Variants in PLD1 observed in about 807,000 individuals in gnomAD.
PLD1 encodes phospholipase D1.
PLD1 carries 112 observed loss-of-function variants against 137.1 expected under a neutral mutation model. The observed-to-expected ratio is 0.82, with a 90% CI of 0.70 to 0.96. The LOEUF (loss-of-function observed/expected upper bound fraction) is 0.96, where lower values mean the gene tolerates loss of function less well. PLD1 is among the 40% of genes least tolerant of loss of function. The probability of loss-of-function intolerance (pLI) is 0.00; values close to 1 mark genes in which losing one functional copy is unlikely to be tolerated. For missense variants in PLD1, 1,321 were observed against 1,342.0 expected (o/e 0.98, Z 0.24); for synonymous variants, 431 against 454.7 (o/e 0.95, Z 0.66).
rs149496458 is a variant in PLD1 at position 171,687,289 on chromosome 3, A to AT, written c.1753+81dup. On this transcript the variant is annotated intron_variant, in intron 15 of 26. Coordinates refer to ENST00000351298, the MANE Select transcript of PLD1 (RefSeq NM_002662.5). ...ATTCTACTCCATTACAGAAAGACAG[A>AT]TTTTAAAAACAGGTATGTAGTGTCT... 2,513 of 1,155,240 alleles carry AT rather than the reference A, an allele frequency of 2.2e-3. 72 individuals are homozygous for AT. In the East Asian group the frequency reaches 0.049, roughly 22 times the overall value. The allele number at this position is 1,155,240 out of a possible 1,614,324, so 71.6% of individuals were successfully genotyped here. A position where few individuals can be genotyped will look rare whatever the true frequency, so the allele number is the denominator to read the frequency against.
At chr3:171,799,314 G>T (rs1334492157) in intron 1 of PLD1, among the ~76,000 whole-genome samples, 1 of 131,738 alleles carries the variant, frequency 7.6e-6, no homozygotes, top group Admixed American at 8.8e-5. Context: ...ACTCCAGCCT[G>T]GGCAACAGAA....
intron 16 of PLD1, 120 bp from the exon 17 acceptor site, chr3:171,677,814 T>TG (rs1216538167): frequency 2.0e-6 from 2 of 976,616 alleles, no homozygotes; most frequent in African/African-American, 3.3e-5. Flanking sequence ...ACAACTAGGG[T>TG]GGCATCTGTC....
At chr3:171,720,582 CA>C (rs759407637) in intron 8 of PLD1, among the ~76,000 whole-genome samples, 1,239 of 115,096 alleles carry the variant, frequency 0.011, 11 homozygotes, top group African/African-American at 0.032. Context: ...GACTCCGTCT[CA>C]AAAAAAAAAA....
intron 1 of PLD1, among the ~76,000 whole-genome samples, chr3:171,759,817 A>G (rs1007360483): frequency 3.9e-5 from 6 of 152,226 alleles, no homozygotes; most frequent in Non-Finnish European, 8.8e-5. Flanking sequence ...TTTACTTAGC[A>G]ATTAGCTTGT....
At chr3:171,650,001 T>C (rs1316304111) in intron 21 of PLD1, among the ~76,000 whole-genome samples, 1 of 152,200 alleles carries the variant, frequency 6.6e-6, no homozygotes, top group Non-Finnish European at 1.5e-5. Flanking sequence ...GCCAATGCTA[T>C]AAAACATTAA....
chr3:171,697,237 C>CT (rs34340739), intron 12 of PLD1, among the ~76,000 whole-genome samples: 15,577 of 96,982 alleles, frequency 0.16, 1,872 homozygotes, highest in Non-Finnish European at 0.2. Flanking sequence ...TTCCGGACAC[C>CT]TTTTTTTTTT....
Position 171,687,336 on chromosome 3 carries a change from A to AC in PLD1, c.1753+34_1753+35insG, listed in dbSNP as rs750178993. The AC allele has an allele frequency of 7.9e-6, 12 of 1,519,518 alleles. 1 individual carries two copies. In the African/African-American group the frequency reaches 9.6e-5, roughly 12 times the overall value. 94.1% of individuals were successfully genotyped at this position (1,519,518 alleles called of 1,614,324 possible). ...GTCTGGCTATGGAAGAACAGTGGGT[A>AC]GTTAAGATAAATTCTAGTCAAGGCC... is the stretch of plus-strand genomic sequence containing the variant. On this transcript the variant is annotated intron_variant, in intron 15 of 26. Coordinates refer to ENST00000351298, the MANE Select transcript of PLD1 (RefSeq NM_002662.5).
In PLD1 at chr3:171,689,410, CCTAT is replaced by C. The variant is rs536412781; in HGVS notation, c.1339-538_1339-535del. Among the ~76,000 whole-genome samples the C allele has an allele frequency of 3.2e-3, 488 of 152,234 alleles. 1 individual carries two copies. The highest frequency in any genetic ancestry group is 0.011 in the African/African-American group (467 of 41,532). ...TGCTTTCAAAATTATCCCAGTCTGACCTATCTTATTTTCATTTACCTTTAGGTAA... is the reference window on the plus strand; with the variant it reads ...TGCTTTCAAAATTATCCCAGTCTGACCTTATTTTCATTTACCTTTAGGTAA... On this transcript the variant is annotated intron_variant, in intron 13 of 26. Coordinates refer to ENST00000351298, the MANE Select transcript of PLD1 (RefSeq NM_002662.5).
At position 171,708,827 on chromosome 3, in the gene PLD1, G is replaced by A. The variant is rs748826768; in HGVS notation, c.1073C>T (p.Ala358Val). ...TGCCACATCTTCAAAATATCCTTTG[G>A]CATTAACATACCTGAAAGACAAGTT... Reference protein sequence around the residue: ...ENALAKWYVNAKGYFEDVANA... With the variant: ...ENALAKWYVNVKGYFEDVANA... The change falls in exon 11 of 27, where the codon GCC (alanine) becomes GTC (valine). Residue 358 changes from alanine to valine, a missense_variant. Coordinates refer to ENST00000351298, the MANE Select transcript of PLD1 (RefSeq NM_002662.5). The A allele has an allele frequency of 5.7e-6, 9 of 1,571,802 alleles. No homozygotes were observed. In the Admixed American group the frequency reaches 1.5e-4, roughly 26 times the overall value.
chr3:171,809,781 G>C (rs1724035991), intron 1 of PLD1: 1 of 152,276 alleles, frequency 6.6e-6, no homozygotes, highest in Non-Finnish European at 1.5e-5. Context: ...ACCTTCAATC[G>C]TATTGTGAGG....
At chr3:171,728,089 C>G (rs906048789) in intron 6 of PLD1, among the ~76,000 whole-genome samples, 10 of 152,152 alleles carry the variant, frequency 6.6e-5, no homozygotes, top group Admixed American at 6.5e-4. Flanking sequence ...GTGGGTGGAT[C>G]ACTTGAGGTC....
At chr3:171,633,246 T>C (rs934553346) in intron 23 of PLD1, among the ~76,000 whole-genome samples, 1 of 152,146 alleles carries the variant, frequency 6.6e-6, no homozygotes, top group African/African-American at 2.4e-5. Flanking sequence ...GGTACAAAGG[T>C]TGGTGATGTT....
intron 1 of PLD1, among the ~76,000 whole-genome samples, chr3:171,808,615 G>A (rs1284831019): frequency 1.9e-5 from 2 of 107,428 alleles, no homozygotes; most frequent in Non-Finnish European, 3.9e-5. Context: ...AAGAGTTAAA[G>A]GTAAATAAAA....
At chr3:171,695,094 A>G (rs1715557841) in intron 12 of PLD1, among the ~76,000 whole-genome samples, 1 of 152,208 alleles carries the variant, frequency 6.6e-6, no homozygotes, top group African/African-American at 2.4e-5. Flanking sequence ...CAAGGTATTG[A>G]CTATTATAAA....
intron 12 of PLD1, among the ~76,000 whole-genome samples, chr3:171,692,703 T>C (rs1715313774): frequency 6.6e-6 from 1 of 152,122 alleles, no homozygotes; most frequent in Non-Finnish European, 1.5e-5. Flanking sequence ...GTATTTCTAG[T>C]AGAGACAGGA....
chr3:171,768,681 CA>C (rs1722146129), intron 1 of PLD1, among the ~76,000 whole-genome samples: 2 of 152,186 alleles, frequency 1.3e-5, no homozygotes, highest in African/African-American at 4.8e-5. Context: ...GTAGCCAATT[CA>C]AGTTAAAAAA....
At chr3:171,692,688 T>C (rs138679963) in intron 12 of PLD1, among the ~76,000 whole-genome samples, 75 of 152,188 alleles carry the variant, frequency 4.9e-4, no homozygotes, top group African/African-American at 1.7e-3. Context: ...GCCCAGTTAA[T>C]TTTTGTATTT....
intron 24 of PLD1, among the ~76,000 whole-genome samples, chr3:171,614,288 TA>T (rs1732914754): frequency 6.6e-6 from 1 of 152,180 alleles, no homozygotes; most frequent in African/African-American, 2.4e-5. Flanking sequence ...AATCATCCTT[TA>T]TACATAGACT....
chr3:171,748,745 T>A (rs1720448915), intron 1 of PLD1, among the ~76,000 whole-genome samples: 1 of 151,488 alleles, frequency 6.6e-6, no homozygotes, highest in Non-Finnish European at 1.5e-5. Context: ...TGACTCTCCT[T>A]ATGGTGAAAC....
Sources: allele counts gnomAD v4.1 joint callset (sites outside exome capture counted in the v4.1 genomes callset), GRCh38; gene constraint gnomAD v4.1.1; transcripts MANE v1.5; gene names NCBI Gene and HGNC (gene_info 2026-07-23, HGNC 2026-07-21).